Variants in MYO10 observed in about 807,000 individuals in gnomAD.
MYO10 encodes myosin X, also known as unconventional myosin-X.
A neutral mutation model predicts 257.3 loss-of-function variants in MYO10; 133 were observed. That is an observed-to-expected ratio of 0.52 (90% CI 0.45 to 0.60). MYO10 has a LOEUF of 0.60. Among genes scored for constraint, MYO10 ranks in the 20% least tolerant of loss-of-function variants. The pLI, the probability that MYO10 is intolerant of heterozygous loss-of-function variation, is 0.00. For synonymous variants in MYO10, 1,104 were observed against 1,028.6 expected (o/e 1.07, Z -1.40); for missense variants, 2,399 against 2,635.7 (o/e 0.91, Z 1.97).
chr5:16,890,209 C>A (rs1188590721), intron 1 of MYO10, among the ~76,000 whole-genome samples: 2 of 151,756 alleles, frequency 1.3e-5, no homozygotes, highest in South Asian at 2.1e-4. Context: ...TAAAAGATAA[C>A]CTAGTCCAAT....
intron 39 of MYO10, among the ~76,000 whole-genome samples, chr5:16,669,050 G>A (rs1381478387): frequency 6.6e-6 from 1 of 151,984 alleles, no homozygotes; most frequent in African/African-American, 2.4e-5. Flanking sequence ...TGTACAGATT[G>A]GTGGAAGAAA....
At chr5:16,756,028 TA>T (rs1361192677) in intron 18 of MYO10, among the ~76,000 whole-genome samples, 1 of 152,192 alleles carries the variant, frequency 6.6e-6, no homozygotes, top group Non-Finnish European at 1.5e-5. Flanking sequence ...CATTTCATAT[TA>T]AAATGCTCAA....
At chr5:16,906,957 CA>C (rs1726053483) in intron 1 of MYO10, among the ~76,000 whole-genome samples, 1 of 151,926 alleles carries the variant, frequency 6.6e-6, no homozygotes, top group Admixed American at 6.6e-5. Flanking sequence ...ACTAAAAATA[CA>C]AAAAAATTAG....
At chr5:16,686,547 T>A (rs935749200) in intron 28 of MYO10, among the ~76,000 whole-genome samples, 1 of 152,152 alleles carries the variant, frequency 6.6e-6, no homozygotes, top group African/African-American at 2.4e-5. Flanking sequence ...CTATTTTTTT[T>A]TTTTATGAGA....
chr5:16,696,742 G>C (rs1737763245), intron 26 of MYO10, among the ~76,000 whole-genome samples: 1 of 151,846 alleles, frequency 6.6e-6, no homozygotes, highest in African/African-American at 2.4e-5. Context: ...TGTAATCCCA[G>C]CTACTCAGGA....
At chr5:16,709,308 C>T (rs1198039693) in intron 21 of MYO10, among the ~76,000 whole-genome samples, 1 of 152,200 alleles carries the variant, frequency 6.6e-6, no homozygotes, top group East Asian at 1.9e-4. Flanking sequence ...GGGGGGCACA[C>T]CCTCAGGTGG....
intron 2 of MYO10, among the ~76,000 whole-genome samples, chr5:16,825,539 T>C (rs1273479706): frequency 2.6e-5 from 4 of 152,212 alleles, no homozygotes; most frequent in African/African-American, 4.8e-5. Flanking sequence ...TTCTTTTAAA[T>C]GCCAGCTATG....
chr5:16,670,536 A>C lies in MYO10; in HGVS notation c.5873T>G (p.Phe1958Cys). ...GCAGCCAGTTCTCACCTCCACATCAAACAGCGTCGAGCCATAGCCAGGCCA... is the reference window on the plus strand; with the variant it reads ...GCAGCCAGTTCTCACCTCCACATCACACAGCGTCGAGCCATAGCCAGGCCA... ...KEWPGYGSTLFDVECKEGGFP... is the reference protein window; with the variant it reads ...KEWPGYGSTLCDVECKEGGFP... Residue 1958 changes from phenylalanine (F) to cysteine (C), a missense_variant, in exon 39 of 41, where the codon TTT (phenylalanine) becomes TGT (cysteine). By Grantham distance (205) the Phe-to-Cys change is radical. This residue lies in a region of MYO10 where 1,820 missense variants were observed against 1,939.4 expected (regional missense o/e 0.94). Coordinates refer to ENST00000513610, the MANE Select transcript of MYO10 (RefSeq NM_012334.3). The C allele has an allele frequency of 2.5e-6, 4 of 1,604,892 alleles. No individual in the cohort carries two copies. The highest frequency in any genetic ancestry group is 3.4e-6 in the Non-Finnish European group (4 of 1,174,298).
intron 19 of MYO10, among the ~76,000 whole-genome samples, chr5:16,747,267 G>A (rs760047568): frequency 2.0e-5 from 3 of 152,218 alleles, no homozygotes; most frequent in Admixed American, 1.3e-4. Context: ...GGCGATGCCC[G>A]GGTATCCTCC....
intron 29 of MYO10, among the ~76,000 whole-genome samples, chr5:16,684,817 C>T (rs536909518): frequency 2.7e-4 from 41 of 152,262 alleles, no homozygotes; most frequent in African/African-American, 9.1e-4. Flanking sequence ...GAGGCTGAGG[C>T]ATGTGGATTG....
chr5:16,777,438 AT>A (rs1283284119), intron 9 of MYO10, among the ~76,000 whole-genome samples: 1 of 152,248 alleles, frequency 6.6e-6, no homozygotes, highest in Non-Finnish European at 1.5e-5. Flanking sequence ...TTTGTTAAAA[AT>A]ATTCTGATTT....
chr5:16,671,065 G>T (rs1014582988), intron 38 of MYO10, 87 bp from the exon 39 acceptor site: 4 of 1,245,260 alleles, frequency 3.2e-6, no homozygotes, highest in Non-Finnish European at 4.4e-6. Flanking sequence ...CTTCATGAGG[G>T]TTTCTCTCAA....
At chr5:16,769,427 T>G (rs1740979980) in intron 9 of MYO10, among the ~76,000 whole-genome samples, 1 of 152,128 alleles carries the variant, frequency 6.6e-6, no homozygotes, top group East Asian at 1.9e-4. Flanking sequence ...CTCCGCCTCC[T>G]GGGTTCAAGC....
chr5:16,856,572 GTTTC>G (rs1480895114), intron 2 of MYO10, among the ~76,000 whole-genome samples: 1 of 151,866 alleles, frequency 6.6e-6, no homozygotes, highest in Non-Finnish European at 1.5e-5. Context: ...AGAGCGAGCC[GTTTC>G]TTTCCTTGGA....
At chr5:16,677,423 T>TTTA (rs1220063952) in intron 33 of MYO10, among the ~76,000 whole-genome samples, 1 of 127,510 alleles carries the variant, frequency 7.8e-6, no homozygotes, top group Non-Finnish European at 1.5e-5. Flanking sequence ...GACCTTTTTT[T>TTTA]TTTTTTTTTT....
At chr5:16,712,514 T>G (rs1231010964) in intron 19 of MYO10, among the ~76,000 whole-genome samples, 1 of 152,212 alleles carries the variant, frequency 6.6e-6, no homozygotes, top group Non-Finnish European at 1.5e-5. Context: ...AAAAAAATAG[T>G]GCCATAGGAC....
chr5:16,702,682 A>T, intron 23 of MYO10, 94 bp from the exon 24 acceptor site: 1 of 1,258,928 alleles, frequency 7.9e-7, no homozygotes, highest in South Asian at 1.3e-5. Context: ...TTTGCCAAAG[A>T]CAGAAAGCAT....
chr5:16,812,090 C>T (rs1201129612), intron 3 of MYO10, among the ~76,000 whole-genome samples: 1 of 152,164 alleles, frequency 6.6e-6, no homozygotes, highest in Non-Finnish European at 1.5e-5. Context: ...AGAGCCAACC[C>T]CCTCTCCTCA....
chr5:16,873,950 G>A (rs1258731572), intron 2 of MYO10, among the ~76,000 whole-genome samples: 1 of 151,948 alleles, frequency 6.6e-6, no homozygotes, highest in Admixed American at 6.5e-5. Flanking sequence ...GATATGGCCT[G>A]GAGACATTTT....
Sources: allele counts gnomAD v4.1 joint callset (sites outside exome capture counted in the v4.1 genomes callset), GRCh38; gene constraint gnomAD v4.1.1; regional missense constraint gnomAD v4.1.1; transcripts MANE v1.5; gene names NCBI Gene and HGNC (gene_info 2026-07-23, HGNC 2026-07-21).